SHLD2: variants seen among roughly 807,000 people sequenced by gnomAD.
The protein encoded by SHLD2 is RINN1-REV7-interacting novel NHEJ regulator 2.
SHLD2 carries 30 observed loss-of-function variants against 73.2 expected under a neutral mutation model. That is an observed-to-expected ratio of 0.41 (90% CI 0.31 to 0.56). The LOEUF is 0.56. Ranked by LOEUF, SHLD2 falls within the 20% of genes least tolerant of loss-of-function variation. The probability of loss-of-function intolerance (pLI) is 0.28; values close to 1 mark genes in which losing one functional copy is unlikely to be tolerated. For synonymous variants in SHLD2, 285 were observed against 370.1 expected (o/e 0.77, Z 2.64); for missense variants, 745 against 1,055.9 (o/e 0.71, Z 4.08).
chr10:87,112,648 GATA>G (rs550855604), intron 2 of SHLD2, among the ~76,000 whole-genome samples: 13 of 144,754 alleles, frequency 9.0e-5, no homozygotes, highest in East Asian at 2.0e-4. Context: ...AATAATAAAT[GATA>G]ATAATAATAA....
At chr10:87,094,776 A>G, upstream of SHLD2, 2 of 1,533,274 alleles carry the variant, frequency 1.3e-6, no homozygotes, top group Non-Finnish European at 1.8e-6. This position sits in a 1 kb window ranked among gnomAD's most constrained non-coding sequence, Gnocchi z 6.6. Flanking sequence ...ACATGGCCAC[A>G]AGCGGAGGGG....
intron 4 of SHLD2, among the ~76,000 whole-genome samples, chr10:87,166,339 A>C (rs919552458): frequency 3.6e-5 from 3 of 83,504 alleles, no homozygotes; most frequent in Admixed American, 2.9e-4. Context: ...TACAAAAGTC[A>C]ATCACATTTC....
intron 8 of SHLD2, among the ~76,000 whole-genome samples, chr10:87,185,145 T>C (rs1207884119): frequency 2.6e-5 from 4 of 152,186 alleles, no homozygotes; most frequent in African/African-American, 9.7e-5. Flanking sequence ...TTGCCTGTTC[T>C]AGATATTTTA....
At chr10:87,120,861 C>T (rs1415388621) in intron 2 of SHLD2, among the ~76,000 whole-genome samples, 1 of 151,810 alleles carries the variant, frequency 6.6e-6, no homozygotes, top group African/African-American at 2.4e-5. Context: ...CGAGACCAGC[C>T]TCAATATGGA....
chr10:87,189,444 G>A, intron 9 of SHLD2, among the ~76,000 whole-genome samples: 1 of 152,236 alleles, frequency 6.6e-6, no homozygotes. Context: ...GTGATCATAA[G>A]TCAAAATGTC....
chr10:87,138,277 C>T (rs1310452297), intron 2 of SHLD2, among the ~76,000 whole-genome samples: 11 of 150,496 alleles, frequency 7.3e-5, no homozygotes, highest in Non-Finnish European at 1.5e-4. Context: ...TCCAGCCTGT[C>T]GACAGAGCGA....
chr10:87,108,433 CCCCTTGG>C (rs1466206317), intron 2 of SHLD2, among the ~76,000 whole-genome samples: 1 of 152,134 alleles, frequency 6.6e-6, no homozygotes, highest in Non-Finnish European at 1.5e-5. Flanking sequence ...TGATCCACCG[CCCCTTGG>C]CCTACCAAAG....
At chr10:87,113,769 G>A (rs1843074481) in intron 2 of SHLD2, among the ~76,000 whole-genome samples, 1 of 152,208 alleles carries the variant, frequency 6.6e-6, no homozygotes, top group African/African-American at 2.4e-5. Context: ...GCTTTGGGAG[G>A]CCGAGGCGAG....
chr10:87,145,905 C>G (rs1274393286), intron 2 of SHLD2, among the ~76,000 whole-genome samples: 6 of 152,084 alleles, frequency 3.9e-5, no homozygotes, highest in Non-Finnish European at 7.4e-5. Flanking sequence ...AAAACATATC[C>G]TAGAATTATT....
rs191939081 is a variant in SHLD2, at chr10:87,137,745, T to C, written c.-5-13605T>C. Reference sequence around the variant, plus strand: ...AAGCAAGTTAAATACAAAACAAAAATAAGCCAACAAATTTAAAAATCCCAT... The same window carrying C: ...AAGCAAGTTAAATACAAAACAAAAACAAGCCAACAAATTTAAAAATCCCAT... On this transcript the variant is annotated intron_variant, in intron 2 of 9. Coordinates refer to ENST00000298786, the MANE Select transcript of SHLD2 (RefSeq NM_001330112.2). 8.2e-4 allele frequency among the ~76,000 whole-genome samples: 125 copies of C among 152,088 alleles called. 3 individuals carry two copies. In the East Asian group the frequency reaches 0.021, roughly 26 times the overall value.
chr10:87,178,752 G>T (rs191373385), intron 7 of SHLD2, among the ~76,000 whole-genome samples: 1 of 152,140 alleles, frequency 6.6e-6, no homozygotes, highest in Middle Eastern at 3.2e-3. Flanking sequence ...GTAGTGATTT[G>T]ACATGTCTTT....
At chr10:87,154,381 ATATTTTTTTT>A (rs1233992348) in intron 3 of SHLD2, 2 of 76,994 alleles carry the variant, frequency 2.6e-5, no homozygotes, top group Non-Finnish European at 6.1e-5. Context: ...AGAATATTTA[ATATTTTTTTT>A]TTTTTTTTTG....
At chr10:87,119,777 CAAA>C (rs35259056) in intron 2 of SHLD2, among the ~76,000 whole-genome samples, 92 of 128,736 alleles carry the variant, frequency 7.1e-4, no homozygotes, top group South Asian at 2.5e-3. Flanking sequence ...GACTCTGTCT[CAAA>C]AAAAAAAAAA....
intron 2 of SHLD2, among the ~76,000 whole-genome samples, chr10:87,138,554 A>C (rs1215488799): frequency 6.6e-6 from 1 of 152,186 alleles, no homozygotes; most frequent in Non-Finnish European, 1.5e-5. Flanking sequence ...TTTACAGCAT[A>C]TATGTGATTA....
rs777612720 is a variant in SHLD2 at position 87,190,710 on chromosome 10, T to A, written c.*27T>A. 6.3e-7 allele frequency: 1 copy of A among 1,578,392 alleles called. No individual in the cohort carries two copies. Among genetic ancestry groups the A allele is most frequent in the Non-Finnish European group, 8.7e-7 (1 of 1,149,608 alleles). ...GCCAGAGGAAGAAATTGCAGGCATT[T>A]CAAGGAAGAAGTACTGAAATGATTT... On this transcript the variant is annotated 3_prime_UTR_variant, in exon 10 of 10. Coordinates refer to ENST00000298786, the MANE Select transcript of SHLD2 (RefSeq NM_001330112.2).
intron 2 of SHLD2, among the ~76,000 whole-genome samples, chr10:87,113,492 T>A (rs1376285226): frequency 6.6e-6 from 1 of 152,200 alleles, no homozygotes; most frequent in African/African-American, 2.4e-5. Flanking sequence ...ATCCCACTTA[T>A]ATGAAATGTT....
chr10:87,110,947 G>A (rs1318837013), intron 2 of SHLD2, among the ~76,000 whole-genome samples: 3 of 151,396 alleles, frequency 2.0e-5, no homozygotes, highest in African/African-American at 4.9e-5. Context: ...GGGTTCAAGC[G>A]ATTCTCCTGC....
chr10:87,153,529 A>G (rs1377597217), intron 3 of SHLD2, among the ~76,000 whole-genome samples: 1 of 152,204 alleles, frequency 6.6e-6, no homozygotes, highest in Non-Finnish European at 1.5e-5. Flanking sequence ...AAAGGAAAAA[A>G]CTGGTATTAT....
At chr10:87,176,479 C>T (rs1301642718) in intron 7 of SHLD2, among the ~76,000 whole-genome samples, 1 of 152,188 alleles carries the variant, frequency 6.6e-6, no homozygotes, top group Admixed American at 6.5e-5. Flanking sequence ...AGCAAAAAGG[C>T]TACCACTTGT....
Sources: gnomAD v4.1 joint callset for allele counts (sites outside exome capture counted in the v4.1 genomes callset) on GRCh38, gnomAD v4.1.1 for gene constraint, Gnocchi (gnomAD v3.1) non-coding constraint, MANE v1.5 for transcripts, NCBI Gene and HGNC (gene_info 2026-07-23, HGNC 2026-07-21) for gene names.